RERE: variants seen among roughly 807,000 people sequenced by gnomAD.
RERE encodes the protein arginine-glutamic acid dipeptide repeats protein.
RERE carries 40 observed loss-of-function variants against 146.1 expected under a neutral mutation model. The ratio of observed to expected loss-of-function variants is 0.27; its 90% CI spans 0.21 to 0.36. RERE has a LOEUF of 0.36. Ranked by LOEUF, RERE falls within the 10% of genes least tolerant of loss-of-function variation. The probability of loss-of-function intolerance (pLI) is 1.00; values close to 1 mark genes in which losing one functional copy is unlikely to be tolerated. For synonymous variants in RERE, 1,003 were observed against 866.0 expected (o/e 1.16, Z -2.78); for missense variants, 1,933 against 2,138.7 (o/e 0.90, Z 1.90).
chr1:8,721,852 A>C (rs1639870174), intron 1 of RERE, among the ~76,000 whole-genome samples: 1 of 152,206 alleles, frequency 6.6e-6, no homozygotes, highest in South Asian at 2.1e-4. Context: ...TAATAACATA[A>C]ACCCTTATCT....
intron 12 of RERE, among the ~76,000 whole-genome samples, chr1:8,416,324 A>G (rs148530415): frequency 0.037 from 5,628 of 152,226 alleles, 344 homozygotes; most frequent in African/African-American, 0.13. Flanking sequence ...GGTGGCTCAC[A>G]CCTGTAATCC....
At chr1:8,729,525 A>AT (rs1489549082) in intron 1 of RERE, among the ~76,000 whole-genome samples, 1 of 151,816 alleles carries the variant, frequency 6.6e-6, no homozygotes, top group Admixed American at 6.6e-5. Flanking sequence ...ACCTGGCCTT[A>AT]TTTTTTTATG....
intron 4 of RERE, among the ~76,000 whole-genome samples, chr1:8,573,411 T>TC (rs1646247637): frequency 6.6e-6 from 1 of 151,706 alleles, no homozygotes; most frequent in Admixed American, 6.6e-5. Context: ...CTAGACTCTT[T>TC]GAGTTCTTCT....
intron 7 of RERE, among the ~76,000 whole-genome samples, chr1:8,530,679 C>CTTTTTTTTTTTTTTTTT (rs1197212764): frequency 1.0e-5 from 1 of 96,950 alleles, no homozygotes; most frequent in African/African-American, 4.0e-5. Context: ...TTTTCGTTTT[C>CTTTTTTTTTTTTTTTTT]TTTTTTTTTT....
At chr1:8,749,742 G>GA (rs919039435) in intron 1 of RERE, among the ~76,000 whole-genome samples, 3 of 151,880 alleles carry the variant, frequency 2.0e-5, no homozygotes, top group Admixed American at 6.6e-5. Context: ...AGCCATGGAG[G>GA]AAAAAAAATC....
At chr1:8,672,628 T>C (rs1478080349) in intron 1 of RERE, among the ~76,000 whole-genome samples, 1 of 152,196 alleles carries the variant, frequency 6.6e-6, no homozygotes, top group Non-Finnish European at 1.5e-5. Flanking sequence ...AAGGAAACTA[T>C]GAAAAAGCAA....
chr1:8,412,800 G>A (rs1170702331), intron 12 of RERE, among the ~76,000 whole-genome samples: 2 of 152,220 alleles, frequency 1.3e-5, no homozygotes, highest in Non-Finnish European at 2.9e-5. Context: ...GGACAGTAGA[G>A]TTCACAGGGG....
chr1:8,442,517 CCA>C, intron 11 of RERE, among the ~76,000 whole-genome samples: 1 of 152,166 alleles, frequency 6.6e-6, no homozygotes, highest in East Asian at 1.9e-4. Flanking sequence ...TCCCCAGAAG[CCA>C]CACAGACGCC....
chr1:8,671,838 A>G (rs2124375106), intron 1 of RERE, among the ~76,000 whole-genome samples: 1 of 152,382 alleles, frequency 6.6e-6, no homozygotes, highest in South Asian at 2.1e-4. Context: ...ATAGAGCAAC[A>G]TTTATATGTC....
chr1:8,722,518 G>GAC (rs1639883016), intron 1 of RERE, among the ~76,000 whole-genome samples: 1 of 152,162 alleles, frequency 6.6e-6, no homozygotes, highest in Non-Finnish European at 1.5e-5. Flanking sequence ...AGTAACATCT[G>GAC]TTCAATAAAG....
Position 8,547,235 on chromosome 1 carries a change from A to G in RERE, c.726-5917T>C, listed in dbSNP as rs561968799. 7.9e-5 allele frequency among the ~76,000 whole-genome samples: 12 copies of G among 152,312 alleles called. No homozygotes were observed. The South Asian group carries it at 1.4e-3, about 18-fold the overall frequency. ...CAATAGAACAACAAAACAAAAAAGC[A>G]AGTACAAAATACATATGGAAAGCAA... On this transcript the variant is annotated intron_variant, in intron 6 of 22. Coordinates refer to ENST00000400908, the MANE Select transcript of RERE (RefSeq NM_001042681.2).
At chr1:8,696,496 C>T (rs1049805662) in intron 1 of RERE, among the ~76,000 whole-genome samples, 2 of 152,176 alleles carry the variant, frequency 1.3e-5, no homozygotes, top group Non-Finnish European at 2.9e-5. Flanking sequence ...CATCTGTAGT[C>T]CCAGCTACTC....
chr1:8,591,210 G>T (rs1646488752), intron 4 of RERE, among the ~76,000 whole-genome samples: 1 of 152,154 alleles, frequency 6.6e-6, no homozygotes, highest in Non-Finnish European at 1.5e-5. Context: ...CACCTGAGCT[G>T]CCAGATAAGG....
chr1:8,730,525 T>C (rs1056967435), intron 1 of RERE, among the ~76,000 whole-genome samples: 1 of 152,174 alleles, frequency 6.6e-6, no homozygotes, highest in Non-Finnish European at 1.5e-5. Flanking sequence ...GTATTTTTAG[T>C]AGAGACAGGG....
intron 11 of RERE, among the ~76,000 whole-genome samples, chr1:8,429,002 C>T (rs1476459863): frequency 2.0e-5 from 3 of 152,108 alleles, no homozygotes; most frequent in African/African-American, 7.2e-5. Context: ...CACCATTAAC[C>T]TACTGATGAG....
intron 11 of RERE, among the ~76,000 whole-genome samples, chr1:8,426,225 C>T (rs550512462): frequency 3.3e-5 from 5 of 152,200 alleles, no homozygotes; most frequent in South Asian, 2.1e-4. Context: ...GAGGCTGAGG[C>T]GGGCAGACCA....
chr1:8,804,991 GTTTTGTTTTGT>G (rs1641657230), intron 1 of RERE, among the ~76,000 whole-genome samples: 24 of 121,918 alleles, frequency 2.0e-4, no homozygotes, highest in African/African-American at 6.6e-4. Context: ...GATTTTTTTT[GTTTTGTTTTGT>G]TTTTGGTTTT....
At chr1:8,525,043 T>C (rs1557672124) in intron 7 of RERE, among the ~76,000 whole-genome samples, 2 of 152,196 alleles carry the variant, frequency 1.3e-5, no homozygotes, top group Non-Finnish European at 2.9e-5. Context: ...CAAAAGTCAA[T>C]GCATACTTTT....
intron 1 of RERE, among the ~76,000 whole-genome samples, chr1:8,673,493 C>G (rs1409091896): frequency 2.0e-5 from 3 of 152,124 alleles, no homozygotes; most frequent in Non-Finnish European, 1.5e-5. Context: ...AACATATTCT[C>G]TAATAAAAAT....
Sources: allele counts gnomAD v4.1 joint callset (sites outside exome capture counted in the v4.1 genomes callset), GRCh38; gene constraint gnomAD v4.1.1; transcripts MANE v1.5; gene names NCBI Gene and HGNC (gene_info 2026-07-23, HGNC 2026-07-21).